Variants in MAPK10 observed in about 807,000 individuals in gnomAD.
MAPK10 encodes JNK3 alpha protein kinase.
Under a neutral mutation model 59.3 loss-of-function variants are expected in MAPK10, and 25 were observed. The ratio of observed to expected loss-of-function variants is 0.42; its 90% CI spans 0.31 to 0.59. The LOEUF (loss-of-function observed/expected upper bound fraction) is 0.59, where lower values mean the gene tolerates loss of function less well. Among genes scored for constraint, MAPK10 ranks in the 20% least tolerant of loss-of-function variants. The probability of loss-of-function intolerance (pLI) is 0.15; values close to 1 mark genes in which losing one functional copy is unlikely to be tolerated. For synonymous variants in MAPK10, 190 were observed against 200.5 expected (o/e 0.95, Z 0.44); for missense variants, 351 against 568.9 (o/e 0.62, Z 3.90).
chr4:86,011,381 G>A lies in MAPK10; in HGVS notation c.*5847C>T, dbSNP rs1741422552. 2 of 152,174 alleles carry A rather than the reference G, an allele frequency of 1.3e-5. No homozygotes were observed. Among genetic ancestry groups the A allele is most frequent in the African/African-American group, 2.4e-5 (1 of 41,438 alleles). 9.4% of individuals were successfully genotyped at this position (152,174 alleles called of 1,614,324 possible). On this transcript the variant is annotated 3_prime_UTR_variant, in exon 14 of 14. Transcript: ENST00000641462. Reference sequence around the variant, plus strand: ...ATACAAAACACCACCATGATGAATTGGGAATGTCAAAAACCTCTGCCTTGG... The same window carrying A: ...ATACAAAACACCACCATGATGAATTAGGAATGTCAAAAACCTCTGCCTTGG...
intron 3 of MAPK10, among the ~76,000 whole-genome samples, chr4:86,179,301 A>C (rs1252650698): frequency 6.6e-6 from 1 of 152,102 alleles, no homozygotes; most frequent in Non-Finnish European, 1.5e-5. Context: ...AAATTTAACC[A>C]AGGAGGTGAA....
At chr4:86,159,542 T>C (rs926725924) in intron 3 of MAPK10, 75 bp from the exon 4 acceptor site, 2 of 1,256,154 alleles carry the variant, frequency 1.6e-6, no homozygotes, top group East Asian at 2.5e-5. Flanking sequence ...CAGAAACTTG[T>C]TCTTTTAATG....
intron 1 of MAPK10, among the ~76,000 whole-genome samples, chr4:86,426,382 T>C (rs1460288705): frequency 1.3e-5 from 2 of 152,220 alleles, no homozygotes; most frequent in African/African-American, 4.8e-5. Flanking sequence ...AGATGCTGTT[T>C]TCTACTTGAA....
chr4:86,018,978 G>A (rs1162127705), intron 13 of MAPK10, among the ~76,000 whole-genome samples: 1 of 152,182 alleles, frequency 6.6e-6, no homozygotes, highest in Non-Finnish European at 1.5e-5. Flanking sequence ...TTGCCTGTGA[G>A]AAAAGTGTGA....
intron 2 of MAPK10, among the ~76,000 whole-genome samples, chr4:86,349,870 T>G (rs758249732): frequency 1.3e-5 from 2 of 151,832 alleles, no homozygotes; most frequent in Non-Finnish European, 2.9e-5. Context: ...TCTTAAAGGA[T>G]GGAAAGGAGT....
At chr4:86,524,498 C>T (rs1468681925) in intron 1 of MAPK10, among the ~76,000 whole-genome samples, 1 of 152,170 alleles carries the variant, frequency 6.6e-6, no homozygotes, top group Non-Finnish European at 1.5e-5. Flanking sequence ...AGTTTCTTCT[C>T]CCACAATAAT....
At chr4:86,484,490 T>C (rs1249338138) in intron 1 of MAPK10, among the ~76,000 whole-genome samples, 2 of 152,198 alleles carry the variant, frequency 1.3e-5, no homozygotes, top group Non-Finnish European at 2.9e-5. Flanking sequence ...CTTGAATTCC[T>C]TGATACTTTA....
At chr4:86,455,047 A>G (rs968776890), upstream of MAPK10, among the ~76,000 whole-genome samples, 1 of 152,322 alleles carries the variant, frequency 6.6e-6, no homozygotes, top group East Asian at 1.9e-4. Flanking sequence ...TCATAAGTGA[A>G]GGAAAAATAC....
chr4:86,566,797 C>T (rs1761090377), intron 1 of MAPK10, among the ~76,000 whole-genome samples: 1 of 152,050 alleles, frequency 6.6e-6, no homozygotes. Flanking sequence ...AGGCTAGATG[C>T]AGTGGCTCTC....
intron 9 of MAPK10, among the ~76,000 whole-genome samples, chr4:86,083,753 T>C (rs2051167487): frequency 6.6e-6 from 1 of 152,086 alleles, no homozygotes; most frequent in South Asian, 2.1e-4. Context: ...ACCCCTCCTC[T>C]ACCCCCATGG....
At chr4:86,454,771 C>T (rs1270630307), upstream of MAPK10, among the ~76,000 whole-genome samples, 1 of 152,054 alleles carries the variant, frequency 6.6e-6, no homozygotes, top group Non-Finnish European at 1.5e-5. Context: ...ATACAAGAAG[C>T]TCAAAGAACA....
chr4:86,131,422 T>C (rs760582466), intron 4 of MAPK10, among the ~76,000 whole-genome samples: 2 of 152,174 alleles, frequency 1.3e-5, no homozygotes, highest in African/African-American at 4.8e-5. Context: ...ATTTCGAGAT[T>C]AATCTATCAG....
intron 2 of MAPK10, among the ~76,000 whole-genome samples, chr4:86,231,354 T>C (rs1265947869): frequency 3.3e-5 from 5 of 152,018 alleles, no homozygotes; most frequent in African/African-American, 7.2e-5. Flanking sequence ...TGGTAACCTA[T>C]ATAGAAGTAC....
intron 8 of MAPK10, chr4:86,100,409 GT>G (rs1413223346): frequency 1.3e-5 from 2 of 152,050 alleles, no homozygotes; most frequent in East Asian, 3.9e-4. Flanking sequence ...TGAACATTAA[GT>G]TTTCTTTATG....
chr4:86,064,743 T>C (rs1370984732), intron 10 of MAPK10: 2 of 190,116 alleles, frequency 1.1e-5, no homozygotes, highest in African/African-American at 2.3e-5. Context: ...AGAGTGCAAA[T>C]GCATGATGTT....
chr4:86,028,434 ATTCTACATC>A (rs1751435511), intron 13 of MAPK10: 1 of 152,178 alleles, frequency 6.6e-6, no homozygotes, highest in Admixed American at 6.5e-5. Context: ...TAATTATTTC[ATTCTACATC>A]TTTTTTCCTA....
intron 9 of MAPK10, among the ~76,000 whole-genome samples, chr4:86,096,772 G>A (rs929361325): frequency 6.6e-6 from 1 of 151,890 alleles, no homozygotes; most frequent in Non-Finnish European, 1.5e-5. Context: ...ACTATATTAG[G>A]TATATAATTA....
At chr4:86,495,003 T>C (rs1754767228) in intron 1 of MAPK10, among the ~76,000 whole-genome samples, 1 of 152,070 alleles carries the variant, frequency 6.6e-6, no homozygotes, top group Admixed American at 6.5e-5. Flanking sequence ...CTAAGAAACC[T>C]TGGCCTTTTG....
intron 1 of MAPK10, among the ~76,000 whole-genome samples, chr4:86,521,963 T>C (rs1757142662): frequency 6.6e-6 from 1 of 151,026 alleles, no homozygotes. Context: ...AGGACCTCTG[T>C]GAGATTAGGC....
Sources: allele counts gnomAD v4.1 joint callset (sites outside exome capture counted in the v4.1 genomes callset), GRCh38; gene constraint gnomAD v4.1.1; transcripts MANE v1.5; gene names NCBI Gene and HGNC (gene_info 2026-07-23, HGNC 2026-07-21).